ZNF148: variants seen among roughly 807,000 people sequenced by gnomAD.
The protein encoded by ZNF148 is Beta-Enolase Repressor Factor-1.
A neutral mutation model predicts 67.7 loss-of-function variants in ZNF148; 7 were observed. The ratio of observed to expected loss-of-function variants is 0.10; its 90% CI spans 0.06 to 0.19. The LOEUF (loss-of-function observed/expected upper bound fraction) is 0.19. ZNF148 is among the 10% of genes least tolerant of loss of function. The pLI, the probability that ZNF148 is intolerant of heterozygous loss-of-function variation, is 1.00. For missense variants in ZNF148, 583 were observed against 947.1 expected (o/e 0.62, Z 5.05); for synonymous variants, 333 against 330.7 (o/e 1.01, Z -0.08).
chr3:125,282,880 T>C (rs1319520611), intron 5 of ZNF148, among the ~76,000 whole-genome samples: 1 of 152,166 alleles, frequency 6.6e-6, no homozygotes, highest in African/African-American at 2.4e-5. Context: ...AAAGTTCTGT[T>C]TTCTTAAAAG....
At chr3:125,270,684 T>C (rs776915552) in intron 7 of ZNF148, among the ~76,000 whole-genome samples, 1 of 152,104 alleles carries the variant, frequency 6.6e-6, no homozygotes, top group Non-Finnish European at 1.5e-5. Context: ...AACCATACTA[T>C]GGACAAATAA....
Position 125,240,407 on chromosome 3 carries a change from C to G in ZNF148, c.668-6078G>C, listed in dbSNP as rs147752845. ...CCATGTTTAAATTACTTGCTACATTCTAATAGATGAACCAATAATTAACAG... is the reference window on the plus strand; with the variant it reads ...CCATGTTTAAATTACTTGCTACATTGTAATAGATGAACCAATAATTAACAG... On this transcript the variant is annotated intron_variant, in intron 7 of 8. Transcript: ENST00000360647. Among the ~76,000 whole-genome samples the G allele has an allele frequency of 3.9e-5, 6 of 152,280 alleles. No individual in the cohort carries two copies. In the East Asian group the frequency reaches 9.6e-4, roughly 24 times the overall value.
chr3:125,326,281 C>T (rs559460445), intron 2 of ZNF148, among the ~76,000 whole-genome samples: 13 of 152,144 alleles, frequency 8.5e-5, no homozygotes, highest in African/African-American at 2.9e-4. Flanking sequence ...TTCTTCCTCC[C>T]TTTAAAAGAC....
At chr3:125,250,554 T>C (rs948305062) in intron 7 of ZNF148, among the ~76,000 whole-genome samples, 2 of 152,210 alleles carry the variant, frequency 1.3e-5, no homozygotes, top group East Asian at 1.9e-4. Context: ...ATATTTTCTA[T>C]AGTTAAAAAA....
At position 125,335,172 on chromosome 3, in the gene ZNF148, G is replaced by A. The variant is rs1208791148; in HGVS notation, c.-233-3934C>T. ...ATGTTTTTTTCTGCCCTAACTATAA[G>A]CTCCACAAGAGAAGAAATTTTTGTC... On this transcript the variant is annotated intron_variant, in intron 1 of 8. Transcript: ENST00000360647. Among the ~76,000 whole-genome samples the A allele has an allele frequency of 1.1e-4, 17 of 152,144 alleles. No individual in the cohort carries two copies. The East Asian group carries it at 2.9e-3, about 26-fold the overall frequency.
chr3:125,228,980 C>T lies in ZNF148; in HGVS notation c.*3361G>A, dbSNP rs73859151. 3.3e-5 allele frequency: 5 copies of T among 152,572 alleles called. No homozygotes were observed. The highest frequency in any genetic ancestry group is 7.2e-5 in the African/African-American group (3 of 41,514). 9.5% of individuals were successfully genotyped at this position (152,572 alleles called of 1,614,324 possible). A position where few individuals can be genotyped will look rare whatever the true frequency, so the allele number is the denominator to read the frequency against. On this transcript the variant is annotated 3_prime_UTR_variant, in exon 9 of 9. Coordinates refer to ENST00000360647, the MANE Select transcript of ZNF148 (RefSeq NM_021964.3). The stretch of plus-strand genomic sequence containing the variant: ...AAAGTTTAAGTGAAAAAAGGAAACA[C>T]GGTTTTTATTTGCAGAATATAGCAA...
chr3:125,284,320 A>G (rs1364597897), intron 5 of ZNF148, among the ~76,000 whole-genome samples: 2 of 152,154 alleles, frequency 1.3e-5, no homozygotes, highest in Non-Finnish European at 2.9e-5. Context: ...TAGTGTCAAG[A>G]TTTGAAGTTT....
Position 125,331,217 on chromosome 3 carries a change from G to T in ZNF148, c.-212C>A, listed in dbSNP as rs1941277008. ...CCAGATCACGTGCTTGAATTTCCAA[G>T]CTGCTGATTCCTCCCTCTATCCTAC... On this transcript the variant is annotated 5_prime_UTR_variant, in exon 2 of 9. Coordinates refer to ENST00000360647, the MANE Select transcript of ZNF148 (RefSeq NM_021964.3). 2.5e-6 allele frequency: 1 copy of T among 398,402 alleles called. No homozygotes were observed. The highest frequency in any genetic ancestry group is 4.4e-6 in the Non-Finnish European group (1 of 226,042). 24.7% of individuals were successfully genotyped at this position (398,402 alleles called of 1,614,324 possible).
At chr3:125,316,577 C>A (rs1472446038) in intron 3 of ZNF148, among the ~76,000 whole-genome samples, 1 of 152,120 alleles carries the variant, frequency 6.6e-6, no homozygotes, top group African/African-American at 2.4e-5. Flanking sequence ...CAGTTTTGAT[C>A]TCCATTTTTC....
intron 7 of ZNF148, among the ~76,000 whole-genome samples, chr3:125,274,712 G>C (rs532289095): frequency 6.6e-6 from 1 of 152,292 alleles, no homozygotes; most frequent in South Asian, 2.1e-4. Flanking sequence ...AGGCCTGAGG[G>C]ACCAGGAGAA....
At chr3:125,278,985 G>T in intron 6 of ZNF148, 139 bp downstream of exon 6, 1 of 889,640 alleles carries the variant, frequency 1.1e-6, no homozygotes, top group Non-Finnish European at 1.6e-6. Context: ...GTTTCCTTCT[G>T]ACATTCTGGC....
chr3:125,248,126 C>A (rs1462426996), intron 7 of ZNF148, among the ~76,000 whole-genome samples: 1 of 152,138 alleles, frequency 6.6e-6, no homozygotes, highest in Non-Finnish European at 1.5e-5. Context: ...ACTGTAAACA[C>A]CATCTAAATA....
chr3:125,317,688 TACACACACAC>T (rs201993120), intron 3 of ZNF148, among the ~76,000 whole-genome samples: 1 of 119,710 alleles, frequency 8.4e-6, no homozygotes, highest in Admixed American at 8.4e-5. Context: ...GAAATACATA[TACACACACAC>T]ATATATATAT....
Position 125,293,302 on chromosome 3 carries a change from C to T in ZNF148, c.334-5074G>A, listed in dbSNP as rs147511292. Among the ~76,000 whole-genome samples, 10 of 152,142 alleles carry T rather than the reference C, an allele frequency of 6.6e-5. No homozygotes were observed. In the East Asian group the frequency reaches 9.6e-4, roughly 15 times the overall value. Reference sequence around the variant, plus strand: ...CTCAATCTCTTTTAATACAGATGCCCGGGCCCTACCAATATAAAGAAATTA... The same window carrying T: ...CTCAATCTCTTTTAATACAGATGCCTGGGCCCTACCAATATAAAGAAATTA... On this transcript the variant is annotated intron_variant, in intron 4 of 8. Coordinates refer to ENST00000360647, the MANE Select transcript of ZNF148 (RefSeq NM_021964.3).
intron 7 of ZNF148, among the ~76,000 whole-genome samples, chr3:125,272,921 A>C (rs1277776571): frequency 6.6e-6 from 1 of 152,228 alleles, no homozygotes; most frequent in Non-Finnish European, 1.5e-5. Flanking sequence ...CAGCAATCAC[A>C]ATGCCAGGAG....
At chr3:125,272,598 A>G (rs1937809430) in intron 7 of ZNF148, among the ~76,000 whole-genome samples, 1 of 148,194 alleles carries the variant, frequency 6.7e-6, no homozygotes, top group Non-Finnish European at 1.5e-5. Context: ...GTATGGTTTA[A>G]TATTTTTATA....
chr3:125,351,610 T>G (rs1411152848), intron 1 of ZNF148, among the ~76,000 whole-genome samples: 1 of 152,028 alleles, frequency 6.6e-6, no homozygotes, highest in Non-Finnish European at 1.5e-5. Context: ...ATCAAGAAAG[T>G]GAAAACAACC....
chr3:125,336,677 C>CTTTTTTTT (rs71148176), intron 1 of ZNF148, among the ~76,000 whole-genome samples: 4,087 of 95,170 alleles, frequency 0.043, 495 homozygotes, highest in African/African-American at 0.11. Flanking sequence ...CAGAAATCAC[C>CTTTTTTTT]TTTTTTTTTT....
intron 3 of ZNF148, among the ~76,000 whole-genome samples, chr3:125,320,439 T>C (rs963506517): frequency 8.5e-5 from 13 of 152,224 alleles, no homozygotes; most frequent in Admixed American, 8.5e-4. Context: ...CTTTAATTAA[T>C]CTGCATTTGA....
Sources: allele counts gnomAD v4.1 joint callset (sites outside exome capture counted in the v4.1 genomes callset), GRCh38; gene constraint gnomAD v4.1.1; transcripts MANE v1.5; gene names NCBI Gene and HGNC (gene_info 2026-07-23, HGNC 2026-07-21).